Variants in FAAH2 observed in about 807,000 individuals in gnomAD.
FAAH2 encodes the protein fatty acid amide hydrolase 2.
In FAAH2, 60 loss-of-function variants were observed where a neutral mutation model predicts 36.9. That is an observed-to-expected ratio of 1.63 (90% confidence interval 1.32 to 2.02). FAAH2 has a LOEUF of 2.02. FAAH2 is among the 30% of genes most tolerant of loss of function. FAAH2 has a pLI of 0.00. For missense variants in FAAH2, 689 were observed against 397.5 expected, an observed-to-expected ratio of 1.73 and a Z score of -6.23; for synonymous variants, 214 against 143.8, an observed-to-expected ratio of 1.49 and a Z score of -3.49.
intron 5 of FAAH2, among the ~76,000 whole-genome samples, chrX:57,373,973 G>A (rs929484353): frequency 1.8e-5 from 2 of 111,024 alleles, no homozygotes; most frequent in Middle Eastern, 4.6e-3. Context: ...TGTTGAATAG[G>A]GTGTCCTTTT....
At chrX:57,398,035 C>A (rs1042560553) in intron 7 of FAAH2, among the ~76,000 whole-genome samples, 6 of 111,391 alleles carry the variant, frequency 5.4e-5, no homozygotes, top group Non-Finnish European at 9.4e-5. Context: ...ATGAACTCAT[C>A]TTTTTTATGG....
At chrX:57,222,152 G>A in the FAAH2 span, among the ~76,000 whole-genome samples, 7 of 110,878 alleles carry the variant, frequency 6.3e-5, no homozygotes, top group African/African-American at 1.3e-4. Flanking sequence ...TCCTGCCTCC[G>A]CAAACTAAGC....
At chrX:57,353,177 G>T (rs2054069805) in intron 5 of FAAH2, among the ~76,000 whole-genome samples, 1 of 109,697 alleles carries the variant, frequency 9.1e-6, no homozygotes, top group Non-Finnish European at 1.9e-5. Flanking sequence ...CTAGAATAGT[G>T]CATTACCTCA....
chrX:57,213,624 G>GT, the FAAH2 span, among the ~76,000 whole-genome samples: 1 of 111,652 alleles, frequency 9.0e-6, no homozygotes, highest in Non-Finnish European at 1.9e-5. Context: ...ATTTCTATGT[G>GT]TTTGTATAGT....
the FAAH2 span, among the ~76,000 whole-genome samples, chrX:57,251,038 G>A: frequency 9.0e-6 from 1 of 111,214 alleles, no homozygotes; most frequent in Admixed American, 9.6e-5. Flanking sequence ...AGCCTGACAA[G>A]GATACTACAA....
chrX:57,478,790 A>G (rs2057321117), intron 10 of FAAH2, among the ~76,000 whole-genome samples: 1 of 111,750 alleles, frequency 8.9e-6, no homozygotes, highest in Admixed American at 9.5e-5. Context: ...CAAAGATCAG[A>G]TAGTGGTAGA....
chrX:57,226,246 T>A, the FAAH2 span, among the ~76,000 whole-genome samples: 1 of 111,958 alleles, frequency 8.9e-6, no homozygotes, highest in African/African-American at 3.2e-5. Flanking sequence ...TATAGGCCCT[T>A]TGTAATTTAT....
chrX:57,419,403 T>G (rs1460594298), intron 7 of FAAH2, among the ~76,000 whole-genome samples: 7 of 111,727 alleles, frequency 6.3e-5, no homozygotes, highest in African/African-American at 2.0e-4. Flanking sequence ...TTTTAATGAT[T>G]GCCATTCTAA....
At chrX:57,357,685 A>G (rs1248014963) in intron 5 of FAAH2, among the ~76,000 whole-genome samples, 3 of 111,810 alleles carry the variant, frequency 2.7e-5, no homozygotes, top group Non-Finnish European at 5.7e-5. Context: ...GTCAGGAAAC[A>G]ACAGATGCTG....
At chrX:57,361,656 A>ATT (rs2054288566) in intron 5 of FAAH2, among the ~76,000 whole-genome samples, 1 of 111,353 alleles carries the variant, frequency 9.0e-6, no homozygotes, top group Non-Finnish European at 1.9e-5. Context: ...GATATGTGAT[A>ATT]TTATATATAT....
the FAAH2 span, among the ~76,000 whole-genome samples, chrX:57,148,644 C>T: frequency 2.7e-5 from 3 of 111,873 alleles, no homozygotes; most frequent in Admixed American, 9.5e-5. Context: ...TGCTTATCGG[C>T]TTAAGGAGAT....
chrX:57,144,631 T>A, the FAAH2 span, among the ~76,000 whole-genome samples: 1 of 110,330 alleles, frequency 9.1e-6, no homozygotes, highest in African/African-American at 3.3e-5. Context: ...CCGAGCAGTT[T>A]ACACTGAACC....
At chrX:57,140,995 G>A in the FAAH2 span, among the ~76,000 whole-genome samples, 2 of 111,925 alleles carry the variant, frequency 1.8e-5, no homozygotes, top group East Asian at 2.8e-4. Context: ...TGTGGTAAAA[G>A]CAGTCATTTT....
chrX:57,185,003 A>C, the FAAH2 span, among the ~76,000 whole-genome samples: 382 of 111,446 alleles, frequency 3.4e-3, 1 homozygote, highest in Non-Finnish European at 6.2e-3. Flanking sequence ...AGATGTTTCG[A>C]TACAGGCGTG....
chrX:57,272,013 G>A, the FAAH2 span, among the ~76,000 whole-genome samples: 3 of 109,316 alleles, frequency 2.7e-5, no homozygotes, highest in African/African-American at 1.0e-4. Flanking sequence ...TTGAAAAAAG[G>A]TTAGCCGAAT....
chrX:57,331,684 G>T lies in FAAH2; in HGVS notation c.499G>T (p.Gly167Cys). 2 of 1,211,289 alleles carry T rather than the reference G, an allele frequency of 1.7e-6. No individual in the cohort carries two copies. Among genetic ancestry groups the T allele is most frequent in the East Asian group, 3.0e-5 (1 of 33,845 alleles). The change falls in exon 4 of 11, where the codon GGT (glycine) becomes TGT (cysteine). Residue 167 changes from glycine (G) to cysteine (C), a missense_variant. Physicochemically the swap from Gly to Cys is radical, Grantham distance 159. Coordinates refer to ENST00000374900, the MANE Select transcript of FAAH2 (RefSeq NM_174912.4). ...TGTGGTGGCATTACTGAAGGGAGCT[G>T]GTGCCATTCCTCTTGGCATAACCAA... ...ATVVALLKGAGAIPLGITNCS... is the reference protein window; with the variant it reads ...ATVVALLKGACAIPLGITNCS...
chrX:57,430,585 A>G (rs756784562), intron 7 of FAAH2, among the ~76,000 whole-genome samples: 14 of 111,503 alleles, frequency 1.3e-4, no homozygotes, highest in Admixed American at 1.2e-3. Context: ...TAAGAATATA[A>G]TGGAATTATT....
the FAAH2 span, among the ~76,000 whole-genome samples, chrX:57,233,791 C>T: frequency 8.0e-5 from 9 of 112,611 alleles, no homozygotes. Context: ...AGGCGTGCGC[C>T]ACCACGCTGG....
intron 10 of FAAH2, among the ~76,000 whole-genome samples, chrX:57,486,885 A>C (rs1406626127): frequency 3.6e-5 from 4 of 111,782 alleles, no homozygotes; most frequent in Non-Finnish European, 7.5e-5. Context: ...AAGTATTCTT[A>C]TCTGCGGATA....
Sources: allele counts gnomAD v4.1 joint callset (sites outside exome capture counted in the v4.1 genomes callset), GRCh38; gene constraint gnomAD v4.1.1; transcripts MANE v1.5; gene names NCBI Gene and HGNC (gene_info 2026-07-23, HGNC 2026-07-21).